CACNA2D3: variants seen among roughly 807,000 people sequenced by gnomAD.
CACNA2D3 encodes calcium voltage-gated channel auxiliary subunit alpha2delta 3.
Under a neutral mutation model 160.6 loss-of-function variants are expected in CACNA2D3, and 60 were observed. The observed-to-expected ratio is 0.37, with a 90% CI of 0.30 to 0.46. The LOEUF (loss-of-function observed/expected upper bound fraction) is 0.46. Among genes scored for constraint, CACNA2D3 ranks in the 20% least tolerant of loss-of-function variants. The pLI is 1.00. For synonymous variants in CACNA2D3, 558 were observed against 492.9 expected, an observed-to-expected ratio of 1.13 and a Z score of -1.75; for missense variants, 1,205 against 1,365.0, an observed-to-expected ratio of 0.88 and a Z score of 1.85.
chr3:54,670,202 A>C (rs151029165), intron 11 of CACNA2D3, among the ~76,000 whole-genome samples: 246 of 152,130 alleles, frequency 1.6e-3, no homozygotes, highest in Admixed American at 3.7e-3. Context: ...ACATTTTCCT[A>C]TTCTCTCCTG....
intron 17 of CACNA2D3, among the ~76,000 whole-genome samples, chr3:54,857,977 G>A (rs898054291): frequency 6.6e-5 from 10 of 151,868 alleles, no homozygotes; most frequent in African/African-American, 2.2e-4. Context: ...TTAGAAGATA[G>A]GATTCTCGGC....
At chr3:54,808,707 TGTA>T (rs1335895458) in intron 13 of CACNA2D3, among the ~76,000 whole-genome samples, 1 of 152,114 alleles carries the variant, frequency 6.6e-6, no homozygotes, top group Non-Finnish European at 1.5e-5. Flanking sequence ...CCTGTAAAAT[TGTA>T]GTAATAACAC....
chr3:54,757,749 A>C (rs1391092965), intron 12 of CACNA2D3, among the ~76,000 whole-genome samples: 1 of 152,152 alleles, frequency 6.6e-6, no homozygotes, highest in Admixed American at 6.5e-5. Context: ...GATCCTCCCA[A>C]AGGCTCTATG....
At chr3:54,287,482 C>G (rs1409444035) in intron 2 of CACNA2D3, among the ~76,000 whole-genome samples, 2 of 150,462 alleles carry the variant, frequency 1.3e-5, no homozygotes, top group Non-Finnish European at 3.0e-5. Flanking sequence ...TAATGGGAGA[C>G]TTTAACACCC....
chr3:54,671,794 AG>A (rs1204108348), intron 11 of CACNA2D3, among the ~76,000 whole-genome samples: 1 of 152,162 alleles, frequency 6.6e-6, no homozygotes, highest in Non-Finnish European at 1.5e-5. Flanking sequence ...GCAAATTGGG[AG>A]GTTGCCAAGA....
chr3:54,933,840 C>T (rs903444095), intron 27 of CACNA2D3, among the ~76,000 whole-genome samples: 1 of 151,364 alleles, frequency 6.6e-6, no homozygotes, highest in African/African-American at 2.4e-5. Flanking sequence ...CTGGTCTCAG[C>T]TTACTGCAAC....
At chr3:54,896,916 G>A (rs776872507) in intron 26 of CACNA2D3, 46 bp downstream of exon 26, 2 of 1,612,916 alleles carry the variant, frequency 1.2e-6, no homozygotes, top group Non-Finnish European at 1.7e-6. Context: ...TGGTCCAGTG[G>A]GTCTGGGCAT....
At position 54,818,181 on chromosome 3, in the gene CACNA2D3, G is replaced by A. The variant is rs141221900; in HGVS notation, c.1398+1311G>A. ...TCATGAATTGGAGGTGCCATCAGCC[G>A]TAGAAATTTGTTTTATTTTATTTTT... On this transcript the variant is annotated intron_variant, in intron 14 of 37. Transcript: ENST00000474759. Among the ~76,000 whole-genome samples the A allele has an allele frequency of 1.6e-3, 238 of 152,226 alleles. 1 individual carries two copies. Among genetic ancestry groups the A allele is most frequent in the African/African-American group, 5.2e-3 (216 of 41,526 alleles).
intron 11 of CACNA2D3, among the ~76,000 whole-genome samples, chr3:54,749,230 C>T (rs1701812623): frequency 6.6e-6 from 1 of 152,176 alleles, no homozygotes; most frequent in African/African-American, 2.4e-5. Flanking sequence ...AAACCCACAA[C>T]TTGCTTTTTA....
chr3:54,230,473 C>A (rs867431276), intron 2 of CACNA2D3, among the ~76,000 whole-genome samples: 3 of 152,122 alleles, frequency 2.0e-5, no homozygotes, highest in African/African-American at 4.8e-5. Context: ...ATAATAATTT[C>A]TGTAGATAAT....
At chr3:54,624,863 C>T (rs1001493176) in intron 9 of CACNA2D3, among the ~76,000 whole-genome samples, 2 of 152,190 alleles carry the variant, frequency 1.3e-5, no homozygotes, top group African/African-American at 4.8e-5. Context: ...TGTGTTGACA[C>T]TTTCAGAGCC....
intron 4 of CACNA2D3, among the ~76,000 whole-genome samples, chr3:54,422,803 T>A (rs564237534): frequency 6.6e-6 from 1 of 152,316 alleles, no homozygotes; most frequent in East Asian, 1.9e-4. Flanking sequence ...AACCAGCAAC[T>A]CCACGCCTTG....
At chr3:54,662,113 A>G (rs145398625) in intron 11 of CACNA2D3, among the ~76,000 whole-genome samples, 21 of 152,174 alleles carry the variant, frequency 1.4e-4, no homozygotes, top group Middle Eastern at 3.4e-3. Flanking sequence ...TGGATGCCCA[A>G]TGCTCAGTTC....
At chr3:54,906,177 C>T (rs910560831) in intron 27 of CACNA2D3, among the ~76,000 whole-genome samples, 1 of 151,072 alleles carries the variant, frequency 6.6e-6, no homozygotes, top group African/African-American at 2.4e-5. Context: ...GGCAGATACA[C>T]ACAAGTATTG....
chr3:54,882,859 T>C (rs1699834524), intron 21 of CACNA2D3, among the ~76,000 whole-genome samples: 1 of 152,198 alleles, frequency 6.6e-6, no homozygotes, highest in Non-Finnish European at 1.5e-5. Flanking sequence ...ATGTGGGAAT[T>C]TTCCACATGC....
At chr3:54,640,912 T>C (rs1412703739) in intron 10 of CACNA2D3, among the ~76,000 whole-genome samples, 1 of 152,160 alleles carries the variant, frequency 6.6e-6, no homozygotes, top group Non-Finnish European at 1.5e-5. Context: ...CTGTGCCAAC[T>C]CCTTTGGGCT....
chr3:54,741,357 C>T (rs1365396096), intron 11 of CACNA2D3, among the ~76,000 whole-genome samples: 2 of 152,136 alleles, frequency 1.3e-5, no homozygotes, highest in Non-Finnish European at 2.9e-5. Context: ...TCCTCCCTGC[C>T]CCTCAAGTCC....
Position 54,807,682 on chromosome 3 carries a change from T to C in CACNA2D3, c.1381-9171T>C, listed in dbSNP as rs866163174. On this transcript the variant is annotated intron_variant, in intron 13 of 37. Transcript: ENST00000474759. Reference sequence around the variant, plus strand: ...GGGATCTAGAACTAGAAATACCATTTGACCCAGCCATCCCATTACTGGTTA... The same window carrying C: ...GGGATCTAGAACTAGAAATACCATTCGACCCAGCCATCCCATTACTGGTTA... Among the ~76,000 whole-genome samples, 1,401 of 151,888 alleles carry C rather than the reference T, an allele frequency of 9.2e-3. 21 individuals carry two copies. The highest frequency in any genetic ancestry group is 0.032 in the African/African-American group (1,310 of 41,310).
intron 3 of CACNA2D3, among the ~76,000 whole-genome samples, chr3:54,350,436 T>C (rs1698532459): frequency 6.6e-6 from 1 of 152,200 alleles, no homozygotes; most frequent in Admixed American, 6.5e-5. Flanking sequence ...ATGGCCTTTC[T>C]CTCTCTGGGC....
Sources: allele counts gnomAD v4.1 joint callset (sites outside exome capture counted in the v4.1 genomes callset), GRCh38; gene constraint gnomAD v4.1.1; transcripts MANE v1.5; gene names NCBI Gene and HGNC (gene_info 2026-07-23, HGNC 2026-07-21).